Variants in RPS6KA2 observed in about 807,000 individuals in gnomAD.
RPS6KA2 encodes ribosomal protein S6 kinase alpha-2.
In RPS6KA2, 42 loss-of-function variants were observed where a neutral mutation model predicts 91.8. That is an observed-to-expected ratio of 0.46 (90% CI 0.36 to 0.59). The LOEUF is 0.59. Ranked by LOEUF, RPS6KA2 falls within the 20% of genes least tolerant of loss-of-function variation. The pLI is 0.00. For synonymous variants in RPS6KA2, 414 were observed against 393.6 expected, an observed-to-expected ratio of 1.05 and a Z score of -0.61; for missense variants, 798 against 978.5, an observed-to-expected ratio of 0.82 and a Z score of 2.46.
In RPS6KA2 at chr6:166,603,325, C is replaced by T. The variant is rs1056407184; in HGVS notation, c.99+23596G>A. On this transcript the variant is annotated intron_variant, in intron 1 of 20. Transcript: ENST00000265678. The surrounding 1 kb of genome is among the most constrained non-coding windows in gnomAD (Gnocchi z 4.3). ...GGGCCATGGCTCTTTCAAAAAAGAT[C>T]GTGCTGCTTAGCATAATTAAACCAG... is the stretch of plus-strand genomic sequence containing the variant. 9.9e-5 allele frequency among the ~76,000 whole-genome samples: 15 copies of T among 152,130 alleles called. No individual in the cohort carries two copies. The highest frequency in any genetic ancestry group is 8.5e-4 in the Admixed American group (13 of 15,282).
intron 1 of RPS6KA2, among the ~76,000 whole-genome samples, chr6:166,624,223 T>C (rs777472821): frequency 3.3e-5 from 5 of 152,272 alleles, no homozygotes; most frequent in Non-Finnish European, 7.3e-5. Flanking sequence ...CACTAGACTT[T>C]GAATTTCAAA....
chr6:166,775,438 T>C (rs564689001), intron 2 of RPS6KA2, among the ~76,000 whole-genome samples: 43 of 152,306 alleles, frequency 2.8e-4, no homozygotes, highest in African/African-American at 1.0e-3. Flanking sequence ...TCCTGGAAAC[T>C]TGTTACATTT....
intron 2 of RPS6KA2, among the ~76,000 whole-genome samples, chr6:166,684,339 C>T (rs1043685077): frequency 6.6e-6 from 1 of 152,216 alleles, no homozygotes; most frequent in African/African-American, 2.4e-5. Context: ...ATAAACTGCC[C>T]CTTAATCTAC....
At chr6:166,650,552 A>G (rs1048008530) in intron 2 of RPS6KA2, among the ~76,000 whole-genome samples, 31 of 152,310 alleles carry the variant, frequency 2.0e-4, no homozygotes, top group Non-Finnish European at 4.1e-4. Context: ...TTTCACGGCC[A>G]TCACTTCCGG....
At chr6:166,799,114 A>C (rs1473273042) in intron 2 of RPS6KA2, among the ~76,000 whole-genome samples, 1 of 152,214 alleles carries the variant, frequency 6.6e-6, no homozygotes, top group Non-Finnish European at 1.5e-5. Context: ...TTCCATTTCC[A>C]TCTTTCATTC....
chr6:166,665,695 C>T lies in RPS6KA2; in HGVS notation c.124-126911G>A, dbSNP rs968325986. Among the ~76,000 whole-genome samples, 12 of 152,210 alleles carry T rather than the reference C, an allele frequency of 7.9e-5. No homozygotes were observed. The highest frequency in any genetic ancestry group is 3.9e-4 in the East Asian group (2 of 5,192). Reference sequence around the variant, plus strand: ...TGAAGGTCTCCCAGCAAGCTGCAGGCGGCCCTGACCAAGCTTAGGTCCCAT... The same window carrying T: ...TGAAGGTCTCCCAGCAAGCTGCAGGTGGCCCTGACCAAGCTTAGGTCCCAT... On this transcript the variant is annotated intron_variant, in intron 2 of 21. Coordinates refer to the RPS6KA2 transcript ENST00000503859. This position sits in a 1 kb window ranked among gnomAD's most constrained non-coding sequence, Gnocchi z 4.5.
chr6:166,449,823 C>G (rs1207869702), intron 13 of RPS6KA2, among the ~76,000 whole-genome samples: 8 of 114,438 alleles, frequency 7.0e-5, no homozygotes, highest in Admixed American at 2.8e-4. Context: ...TGGGAACCAC[C>G]ACAGGGACCA....
intron 2 of RPS6KA2, among the ~76,000 whole-genome samples, chr6:166,534,242 A>G (rs1413123133): frequency 7.9e-5 from 12 of 151,148 alleles, no homozygotes; most frequent in African/African-American, 2.9e-4. Flanking sequence ...AAAAAAAAAA[A>G]AAAAGAAAGA....
chr6:166,631,406 G>A (rs914248108), upstream of RPS6KA2, among the ~76,000 whole-genome samples: 1 of 152,152 alleles, frequency 6.6e-6, no homozygotes, highest in Non-Finnish European at 1.5e-5. Flanking sequence ...CTCCCTCCCC[G>A]CTGGAGCCCT....
intron 2 of RPS6KA2, among the ~76,000 whole-genome samples, chr6:166,682,831 G>A (rs538185699): frequency 6.6e-6 from 1 of 152,302 alleles, no homozygotes; most frequent in African/African-American, 2.4e-5. Context: ...GACAACCCAT[G>A]CATTTGACCA....
intron 3 of RPS6KA2, among the ~76,000 whole-genome samples, chr6:166,515,134 C>T (rs191725211): frequency 1.2e-3 from 187 of 152,254 alleles, no homozygotes; most frequent in Non-Finnish European, 1.9e-3. Context: ...AGAGAGGATG[C>T]ACCATGATGT....
Position 166,423,492 on chromosome 6 carries a change from G to A in RPS6KA2, c.1582-75C>T. On this transcript the variant is annotated intron_variant, in intron 16 of 20. Transcript: ENST00000265678. The surrounding 1 kb of genome is among the most constrained non-coding windows in gnomAD (Gnocchi z 4.8). ...GAGAGGGAGGGCAGGTGCATTTGGA[G>A]GGGAGGGTGCATTTGGGAACTGTCT... 1 of 1,437,286 alleles carries A rather than the reference G, an allele frequency of 7.0e-7. No homozygotes were observed. 89.0% of individuals were successfully genotyped at this position (1,437,286 alleles called of 1,614,324 possible).
chr6:166,455,288 G>A (rs1780063462), intron 12 of RPS6KA2, among the ~76,000 whole-genome samples: 1 of 152,084 alleles, frequency 6.6e-6, no homozygotes. Flanking sequence ...GAGGGCAGCC[G>A]CTCCGAAGCC....
intron 2 of RPS6KA2, among the ~76,000 whole-genome samples, chr6:166,687,233 C>T (rs550630169): frequency 2.0e-5 from 3 of 152,322 alleles, no homozygotes; most frequent in African/African-American, 4.8e-5. Flanking sequence ...ATGGCAGGTG[C>T]GATACCTGCC....
chr6:166,861,776 G>A (rs1781052100), intron 1 of RPS6KA2, among the ~76,000 whole-genome samples: 1 of 152,208 alleles, frequency 6.6e-6, no homozygotes, highest in African/African-American at 2.4e-5. Context: ...TCAAACTGAT[G>A]CAGATTAGTT....
intron 14 of RPS6KA2, among the ~76,000 whole-genome samples, chr6:166,442,779 T>G (rs767940043): frequency 3.9e-5 from 6 of 152,144 alleles, no homozygotes; most frequent in African/African-American, 7.2e-5. Flanking sequence ...CTTCAGTCAT[T>G]AGTAGAGATG....
intron 2 of RPS6KA2, among the ~76,000 whole-genome samples, chr6:166,696,646 G>A (rs2345258): frequency 0.28 from 43,130 of 152,064 alleles, 7,785 homozygotes; most frequent in African/African-American, 0.52. Flanking sequence ...GAATGTGTCC[G>A]TGAGGGTATT....
intron 2 of RPS6KA2, among the ~76,000 whole-genome samples, chr6:166,794,815 T>A (rs1221905876): frequency 7.4e-6 from 1 of 135,476 alleles, no homozygotes; most frequent in Non-Finnish European, 1.5e-5. Context: ...TGAGAACACA[T>A]GGACACAGGA....
chr6:166,489,554 C>T (rs2128473502), intron 9 of RPS6KA2, among the ~76,000 whole-genome samples: 1 of 152,342 alleles, frequency 6.6e-6, no homozygotes, highest in Non-Finnish European at 1.5e-5. Context: ...TGAGGCCACA[C>T]CCGTGACTTG....
Sources: allele counts gnomAD v4.1 joint callset (sites outside exome capture counted in the v4.1 genomes callset), GRCh38; gene constraint gnomAD v4.1.1; non-coding constraint Gnocchi (gnomAD v3.1); transcripts MANE v1.5; gene names NCBI Gene and HGNC (gene_info 2026-07-23, HGNC 2026-07-21).